The following NRG1 variants were observed in gnomAD, a reference collection of about 807,000 sequenced individuals.
The protein encoded by NRG1 is neuregulin 1.
A neutral mutation model predicts 63.8 loss-of-function variants in NRG1; 18 were observed. That is an observed-to-expected ratio of 0.28 (90% confidence interval 0.19 to 0.42). The LOEUF is 0.42. Among genes scored for constraint, NRG1 ranks in the 10% least tolerant of loss-of-function variants. The pLI, the probability that NRG1 is intolerant of heterozygous loss-of-function variation, is 1.00. For missense variants in NRG1, 762 were observed against 814.7 expected (o/e 0.94, Z 0.79); for synonymous variants, 302 against 301.3 (o/e 1.00, Z -0.02).
intron 1 of NRG1, among the ~76,000 whole-genome samples, chr8:31,690,962 C>G (rs1809439451): frequency 6.6e-6 from 1 of 152,126 alleles, no homozygotes; most frequent in Admixed American, 6.5e-5. Flanking sequence ...TGGGAGCCAT[C>G]AGCACATAAT....
At chr8:32,347,344 G>T (rs553432344) in intron 1 of NRG1, among the ~76,000 whole-genome samples, 1 of 152,112 alleles carries the variant, frequency 6.6e-6, no homozygotes, top group South Asian at 2.1e-4. Flanking sequence ...ATGATTTCAC[G>T]CTCTATGGAG....
At chr8:31,736,525 T>G (rs1814682168) in intron 1 of NRG1, among the ~76,000 whole-genome samples, 1 of 152,080 alleles carries the variant, frequency 6.6e-6, no homozygotes, top group Non-Finnish European at 1.5e-5. Context: ...CATAATTGGG[T>G]AGTAGACCCA....
At chr8:32,607,382 T>C (rs1243561588) in intron 3 of NRG1, among the ~76,000 whole-genome samples, 1 of 152,136 alleles carries the variant, frequency 6.6e-6, no homozygotes, top group Non-Finnish European at 1.5e-5. Context: ...TGGTATTCAA[T>C]TGTGATTTTT....
At chr8:32,271,804 G>T (rs190152394) in intron 1 of NRG1, among the ~76,000 whole-genome samples, 19 of 152,174 alleles carry the variant, frequency 1.2e-4, no homozygotes, top group Admixed American at 2.6e-4. Flanking sequence ...ACCTAGGGTC[G>T]TGCAAACATC....
intron 1 of NRG1, among the ~76,000 whole-genome samples, chr8:32,251,590 G>A (rs781662988): frequency 6.6e-5 from 10 of 152,164 alleles, no homozygotes; most frequent in Non-Finnish European, 1.2e-4. Context: ...GGATTGCTGG[G>A]TCAAATGGTA....
At chr8:32,637,514 A>T (rs565653036) in intron 5 of NRG1, among the ~76,000 whole-genome samples, 3 of 152,132 alleles carry the variant, frequency 2.0e-5, no homozygotes, top group Non-Finnish European at 2.9e-5. Flanking sequence ...TAATTCTCCA[A>T]ATTAAAAGAG....
At chr8:31,909,143 TTA>T (rs2129617019) in intron 1 of NRG1, among the ~76,000 whole-genome samples, 1 of 152,300 alleles carries the variant, frequency 6.6e-6, no homozygotes, top group East Asian at 1.9e-4. Context: ...TTATTGGCCT[TTA>T]ATATCCCAAA....
chr8:31,728,678 T>C (rs1009185766), intron 1 of NRG1, among the ~76,000 whole-genome samples: 3 of 152,204 alleles, frequency 2.0e-5, no homozygotes, highest in Non-Finnish European at 4.4e-5. Flanking sequence ...ATTCAATTTA[T>C]GCCTTATAAA....
chr8:32,256,382 C>T (rs1012947717), intron 1 of NRG1: 2 of 152,126 alleles, frequency 1.3e-5, no homozygotes, highest in African/African-American at 4.8e-5. Context: ...GTGTGGATGT[C>T]CTTTTTGTTG....
chr8:31,688,316 TATAAAAGGG>T (rs1809120650), intron 1 of NRG1, among the ~76,000 whole-genome samples: 1 of 152,144 alleles, frequency 6.6e-6, no homozygotes, highest in Admixed American at 6.5e-5. Context: ...AGTGCCCTTA[TATAAAAGGG>T]CCAACGGAGC....
chr8:32,661,268 T>C (rs1379934323), intron 5 of NRG1, among the ~76,000 whole-genome samples: 1 of 152,238 alleles, frequency 6.6e-6, no homozygotes, highest in African/African-American at 2.4e-5. Flanking sequence ...AAAAGTAACT[T>C]ATCTTAGTTG....
intron 1 of NRG1, among the ~76,000 whole-genome samples, chr8:31,959,794 ATTATTTATTTATTTATTTATTTATTTAT>A (rs202231999): frequency 8.2e-6 from 1 of 122,288 alleles, no homozygotes; most frequent in East Asian, 2.2e-4. Flanking sequence ...TTATTTATTT[ATTATTTATTTATTTATTTATTTATTTAT>A]TTATTTATTT....
intron 5 of NRG1, among the ~76,000 whole-genome samples, chr8:32,646,233 C>CA (rs2129546569): frequency 6.6e-6 from 1 of 152,264 alleles, no homozygotes; most frequent in East Asian, 1.9e-4. Context: ...AACCCCTCCC[C>CA]TAGCACTCCC....
intron 1 of NRG1, among the ~76,000 whole-genome samples, chr8:32,351,631 G>T (rs553665237): frequency 6.6e-6 from 1 of 152,002 alleles, no homozygotes; most frequent in Non-Finnish European, 1.5e-5. Flanking sequence ...CCATCTCTCC[G>T]TCTGAGGGGT....
chr8:32,346,907 G>T (rs1465911865), intron 1 of NRG1, among the ~76,000 whole-genome samples: 2 of 151,144 alleles, frequency 1.3e-5, no homozygotes, highest in Non-Finnish European at 2.9e-5. Flanking sequence ...TCAGCTCACT[G>T]CAAGCTCCAC....
chr8:31,965,933 A>G lies in NRG1; in HGVS notation c.37+326502A>G, dbSNP rs568309344. Among the ~76,000 whole-genome samples the G allele has an allele frequency of 3.9e-5, 6 of 152,342 alleles. No individual in the cohort carries two copies. The East Asian group carries it at 7.7e-4, about 20-fold the overall frequency. On this transcript the variant is annotated intron_variant, in intron 1 of 10. Coordinates refer to the NRG1 transcript ENST00000519301. ...AAACAATGAGCACATATGCACATAA[A>G]GATGGAAATAATAGATACTGGAGAC...
chr8:31,844,001 G>T (rs983630040), intron 1 of NRG1, among the ~76,000 whole-genome samples: 3 of 152,146 alleles, frequency 2.0e-5, no homozygotes, highest in Non-Finnish European at 4.4e-5. Flanking sequence ...TCCAGGTACT[G>T]TTCAAAGAGT....
chr8:32,081,437 G>A (rs1225277717), intron 1 of NRG1, among the ~76,000 whole-genome samples: 10 of 152,104 alleles, frequency 6.6e-5, no homozygotes, highest in Non-Finnish European at 1.5e-5. Context: ...AATCTTTAAG[G>A]AGAGAATAGA....
chr8:31,881,694 C>T (rs2683766), intron 1 of NRG1, among the ~76,000 whole-genome samples: 12,594 of 152,150 alleles, frequency 0.083, 1,665 homozygotes, highest in African/African-American at 0.28. Flanking sequence ...ACTACTTTAG[C>T]GAATACACAA....
Sources: gnomAD v4.1 joint callset for allele counts (sites outside exome capture counted in the v4.1 genomes callset) on GRCh38, gnomAD v4.1.1 for gene constraint, MANE v1.5 for transcripts, NCBI Gene and HGNC (gene_info 2026-07-23, HGNC 2026-07-21) for gene names.